Variants in TPST1 observed in about 807,000 individuals in gnomAD.
TPST1 encodes tyrosylprotein sulfotransferase 1.
In TPST1, 20 loss-of-function variants were observed where a neutral mutation model predicts 34.8. The observed-to-expected ratio is 0.57, with a 90% CI of 0.40 to 0.84. The LOEUF is 0.84. Among genes scored for constraint, TPST1 ranks in the 40% least tolerant of loss-of-function variants. The pLI, the probability that TPST1 is intolerant of heterozygous loss-of-function variation, is 0.00. For synonymous variants in TPST1, 152 were observed against 159.4 expected (o/e 0.95, Z 0.35); for missense variants, 353 against 455.5 (o/e 0.78, Z 2.05).
In TPST1 at chr7:66,332,091, C is replaced by T. The variant is rs556414257; in HGVS notation, c.1045-20414C>T. Among the ~76,000 whole-genome samples the T allele has an allele frequency of 1.3e-4, 20 of 152,068 alleles. No homozygotes were observed. Among genetic ancestry groups the T allele is most frequent in the Non-Finnish European group, 2.1e-4 (14 of 68,016 alleles). On this transcript the variant is annotated intron_variant, in intron 3 of 5. Transcript: ENST00000304842. The surrounding 1 kb of genome is among the most constrained non-coding windows in gnomAD (Gnocchi z 4.5). ...GTAATAATAACAGAAATAAAGTGCACAGTAAACGTAATGTGCTTGAATCAT... is the reference window on the plus strand; with the variant it reads ...GTAATAATAACAGAAATAAAGTGCATAGTAAACGTAATGTGCTTGAATCAT...
intron 4 of TPST1, 195 bp downstream of exon 4, chr7:66,352,750 A>T (rs756236369): frequency 4.9e-5 from 48 of 985,354 alleles, no homozygotes; most frequent in Non-Finnish European, 5.5e-5. Context: ...AATTTAACAC[A>T]GTCTTAATTT....
At chr7:66,217,876 G>T (rs554053606) in intron 1 of TPST1, among the ~76,000 whole-genome samples, 1 of 143,380 alleles carries the variant, frequency 7.0e-6, no homozygotes, top group African/African-American at 2.6e-5. Context: ...GAGCCACCGC[G>T]CCTGGCCTTT....
chr7:66,266,701 A>G (rs998866041), intron 2 of TPST1, among the ~76,000 whole-genome samples: 1 of 152,238 alleles, frequency 6.6e-6, no homozygotes, highest in Non-Finnish European at 1.5e-5. Flanking sequence ...ACTCAGCAAT[A>G]AAAAGAAGCA....
intron 3 of TPST1, among the ~76,000 whole-genome samples, chr7:66,316,730 C>T (rs1791640290): frequency 6.6e-6 from 1 of 152,138 alleles, no homozygotes; most frequent in Non-Finnish European, 1.5e-5. Context: ...ATACAGGATG[C>T]TCAATTAAAT....
chr7:66,277,985 A>G (rs1357089410), intron 2 of TPST1, among the ~76,000 whole-genome samples: 1 of 151,862 alleles, frequency 6.6e-6, no homozygotes, highest in Non-Finnish European at 1.5e-5. Context: ...CTGTAATCCC[A>G]GCTACTCAGG....
intron 2 of TPST1, among the ~76,000 whole-genome samples, chr7:66,269,787 C>G (rs1187217801): frequency 6.6e-6 from 1 of 151,896 alleles, no homozygotes; most frequent in African/African-American, 2.4e-5. Flanking sequence ...AGGAGGTTGC[C>G]AAGAGCTGGG....
intron 3 of TPST1, among the ~76,000 whole-genome samples, chr7:66,297,012 A>AATAC (rs1467463262): frequency 6.6e-6 from 1 of 152,158 alleles, no homozygotes; most frequent in African/African-American, 2.4e-5. Flanking sequence ...CAGACACATG[A>AATAC]ATACACAGAT....
chr7:66,333,211 A>G (rs1792030466), intron 3 of TPST1, among the ~76,000 whole-genome samples: 1 of 152,188 alleles, frequency 6.6e-6, no homozygotes. Flanking sequence ...CCGTCTACAA[A>G]CCCAAAGCAG....
intron 3 of TPST1, among the ~76,000 whole-genome samples, chr7:66,346,680 T>G (rs1008201451): frequency 6.6e-6 from 1 of 152,196 alleles, no homozygotes; most frequent in African/African-American, 2.4e-5. Context: ...TATTGTATTA[T>G]TCGATTTTTT....
At chr7:66,238,666 G>C (rs1260791918) in intron 1 of TPST1, among the ~76,000 whole-genome samples, 1 of 152,136 alleles carries the variant, frequency 6.6e-6, no homozygotes, top group African/African-American at 2.4e-5. Flanking sequence ...CACTTTACTA[G>C]AAATCTGTTG....
intron 2 of TPST1, among the ~76,000 whole-genome samples, chr7:66,283,796 G>A (rs527868431): frequency 3.3e-4 from 50 of 152,204 alleles, no homozygotes; most frequent in African/African-American, 1.1e-3. Flanking sequence ...CTGTCATATT[G>A]TCTCTAACCT....
intron 3 of TPST1, among the ~76,000 whole-genome samples, chr7:66,309,010 T>G (rs1010441796): frequency 6.6e-6 from 1 of 152,228 alleles, no homozygotes; most frequent in East Asian, 1.9e-4. Flanking sequence ...GCACTTCTCC[T>G]GCTCAGTCTC....
chr7:66,283,282 C>A (rs1195796533), intron 2 of TPST1, among the ~76,000 whole-genome samples: 5 of 151,876 alleles, frequency 3.3e-5, no homozygotes, highest in East Asian at 1.9e-4. Flanking sequence ...ACAAAAAAAA[C>A]CCCAGGTTAT....
At chr7:66,303,865 A>T (rs920440784) in intron 3 of TPST1, among the ~76,000 whole-genome samples, 9 of 152,232 alleles carry the variant, frequency 5.9e-5, no homozygotes, top group Admixed American at 5.2e-4. Context: ...ACACGTAGAA[A>T]AAGAATATGC....
chr7:66,225,511 C>CA (rs1789636351), intron 1 of TPST1, among the ~76,000 whole-genome samples: 1 of 152,082 alleles, frequency 6.6e-6, no homozygotes, highest in Non-Finnish European at 1.5e-5. Flanking sequence ...ACCGGGGAGG[C>CA]TGAGGCAGGA....
At chr7:66,310,670 T>G (rs144972857) in intron 3 of TPST1, among the ~76,000 whole-genome samples, 2 of 152,250 alleles carry the variant, frequency 1.3e-5, no homozygotes, top group African/African-American at 4.8e-5. Context: ...CATTTCCCTT[T>G]TTGACTGTAT....
chr7:66,335,132 A>G (rs1014219958), intron 3 of TPST1, among the ~76,000 whole-genome samples: 1 of 152,166 alleles, frequency 6.6e-6, no homozygotes, highest in Admixed American at 6.5e-5. Context: ...TAGTGCTCAC[A>G]TGGAACCTTC....
chr7:66,336,351 A>T (rs1336138449), intron 3 of TPST1, among the ~76,000 whole-genome samples: 1 of 152,164 alleles, frequency 6.6e-6, no homozygotes, highest in Non-Finnish European at 1.5e-5. Flanking sequence ...GAAAATAGAG[A>T]TAGAAAATTA....
chr7:66,246,158 G>A (rs1159623236), intron 2 of TPST1, among the ~76,000 whole-genome samples: 1 of 145,468 alleles, frequency 6.9e-6, no homozygotes, highest in Non-Finnish European at 1.5e-5. Context: ...GATTACAGGT[G>A]CATGCCATCA....
Sources: gnomAD v4.1 joint callset for allele counts (sites outside exome capture counted in the v4.1 genomes callset) on GRCh38, gnomAD v4.1.1 for gene constraint, Gnocchi (gnomAD v3.1) non-coding constraint, MANE v1.5 for transcripts, NCBI Gene and HGNC (gene_info 2026-07-23, HGNC 2026-07-21) for gene names.